Variants in TMEM132C observed in about 807,000 individuals in gnomAD.
TMEM132C encodes transmembrane protein 132C, also known as protein phosphatase 1, regulatory subunit 152.
A neutral mutation model predicts 61.4 loss-of-function variants in TMEM132C; 29 were observed. The ratio of observed to expected loss-of-function variants is 0.47; its 90% CI spans 0.35 to 0.64. The LOEUF (loss-of-function observed/expected upper bound fraction) is 0.64, where lower values mean the gene tolerates loss of function less well. Among genes scored for constraint, TMEM132C ranks in the 30% least tolerant of loss-of-function variants. The pLI is 0.00. For synonymous variants in TMEM132C, 656 were observed against 633.1 expected, an observed-to-expected ratio of 1.04 and a Z score of -0.54; for missense variants, 1,408 against 1,476.9, an observed-to-expected ratio of 0.95 and a Z score of 0.76.
chr12:128,505,373 T>C (rs1042941371), intron 2 of TMEM132C, among the ~76,000 whole-genome samples: 1 of 152,160 alleles, frequency 6.6e-6, no homozygotes, highest in Non-Finnish European at 1.5e-5. Context: ...GCATCTCTAG[T>C]GTCAGTGTGA....
rs60231244 is a variant in TMEM132C at position 128,490,429 on chromosome 12, C to T, written c.975-53528C>T. ...GAAGCAAATTCCCCCCTTCCACACCCTCATTGCCCCTGGCAGTGTATTTAG... is the reference window on the plus strand; with the variant it reads ...GAAGCAAATTCCCCCCTTCCACACCTTCATTGCCCCTGGCAGTGTATTTAG... On this transcript the variant is annotated intron_variant, in intron 2 of 8. Transcript: ENST00000435159. 4.7e-3 allele frequency among the ~76,000 whole-genome samples: 722 copies of T among 152,298 alleles called. 5 individuals carry two copies. Among genetic ancestry groups the T allele is most frequent in the African/African-American group, 0.017 (686 of 41,564 alleles).
At chr12:128,669,361 T>C in intron 4 of TMEM132C, 56 bp from the exon 5 acceptor site, 1 of 1,541,020 alleles carries the variant, frequency 6.5e-7, no homozygotes, top group Non-Finnish European at 8.8e-7. Flanking sequence ...AATTGTCCAG[T>C]TCCCAACAGA....
chr12:128,575,046 C>T (rs73161906), intron 3 of TMEM132C, among the ~76,000 whole-genome samples: 14,089 of 152,268 alleles, frequency 0.093, 732 homozygotes, highest in Middle Eastern at 0.14. Context: ...TACAATTCCT[C>T]GCTGTGTCTT....
intron 5 of TMEM132C, among the ~76,000 whole-genome samples, chr12:128,690,107 C>T (rs1209255589): frequency 1.3e-5 from 2 of 152,182 alleles, no homozygotes; most frequent in Admixed American, 6.5e-5. Context: ...TGTGGCTCCA[C>T]CAAGCCTCAC....
At chr12:128,271,989 G>A (rs965348011) in intron 1 of TMEM132C, among the ~76,000 whole-genome samples, 1 of 152,220 alleles carries the variant, frequency 6.6e-6, no homozygotes, top group African/African-American at 2.4e-5. Context: ...ACATCTGATC[G>A]ATAGAACATT....
intron 3 of TMEM132C, among the ~76,000 whole-genome samples, chr12:128,588,460 GT>G (rs1253082816): frequency 3.3e-5 from 5 of 152,114 alleles, no homozygotes; most frequent in African/African-American, 1.2e-4. Flanking sequence ...AAAAAAATCT[GT>G]TTCCAATATG....
chr12:128,349,329 C>G (rs1342877782), intron 1 of TMEM132C, among the ~76,000 whole-genome samples: 1 of 152,166 alleles, frequency 6.6e-6, no homozygotes, highest in Non-Finnish European at 1.5e-5. Flanking sequence ...AAGGCAGAGT[C>G]ACCACCATCA....
intron 4 of TMEM132C, among the ~76,000 whole-genome samples, chr12:128,668,751 T>G (rs1954502074): frequency 6.6e-6 from 1 of 152,106 alleles, no homozygotes; most frequent in Non-Finnish European, 1.5e-5. Flanking sequence ...GGAAAATCTG[T>G]TCCTTGCCTT....
chr12:128,307,825 C>A (rs1310203743), intron 1 of TMEM132C, among the ~76,000 whole-genome samples: 1 of 152,138 alleles, frequency 6.6e-6, no homozygotes, highest in Non-Finnish European at 1.5e-5. Context: ...GCAATGGGTC[C>A]CCCACTCCCA....
chr12:128,522,255 G>A (rs1046116470), intron 2 of TMEM132C, among the ~76,000 whole-genome samples: 3 of 152,200 alleles, frequency 2.0e-5, no homozygotes, highest in Non-Finnish European at 4.4e-5. Context: ...CTGCACTCAG[G>A]TGCTACCCTC....
At chr12:128,626,251 C>A (rs1954014690) in intron 4 of TMEM132C, among the ~76,000 whole-genome samples, 1 of 143,156 alleles carries the variant, frequency 7.0e-6, no homozygotes, top group Non-Finnish European at 1.5e-5. Flanking sequence ...CTCAGCCTCC[C>A]AAGTAGCTGG....
At position 128,522,986 on chromosome 12, in the gene TMEM132C, T is replaced by C. The variant is rs551933659; in HGVS notation, c.975-20971T>C. Among the ~76,000 whole-genome samples, 8 of 152,218 alleles carry C rather than the reference T, an allele frequency of 5.3e-5. No individual in the cohort carries two copies. In the South Asian group the frequency reaches 1.5e-3, roughly 28 times the overall value. On this transcript the variant is annotated intron_variant, in intron 2 of 8. Transcript: ENST00000435159. Reference sequence around the variant, plus strand: ...TTTATAGCAGCAGTGTTTACAACAGTCAGACGGTAAAAGCAAGCCAAGTGC... The same window carrying C: ...TTTATAGCAGCAGTGTTTACAACAGCCAGACGGTAAAAGCAAGCCAAGTGC...
chr12:128,678,618 T>C (rs1954611738), intron 5 of TMEM132C, among the ~76,000 whole-genome samples: 1 of 152,168 alleles, frequency 6.6e-6, no homozygotes, highest in Non-Finnish European at 1.5e-5. Context: ...CAGGCAGCCC[T>C]AGACCAGTGG....
chr12:128,351,956 C>T (rs1299856124), intron 1 of TMEM132C, among the ~76,000 whole-genome samples: 1 of 152,190 alleles, frequency 6.6e-6, no homozygotes, highest in Non-Finnish European at 1.5e-5. Context: ...GTCCCAAGAT[C>T]TGCAAGGTGA....
intron 2 of TMEM132C, among the ~76,000 whole-genome samples, chr12:128,431,549 A>ATTTTT (rs1448632449): frequency 2.1e-5 from 2 of 94,954 alleles, no homozygotes; most frequent in African/African-American, 9.0e-5. Flanking sequence ...CCCATCTAGG[A>ATTTTT]CTTTTTTTTT....
intron 5 of TMEM132C, among the ~76,000 whole-genome samples, chr12:128,688,409 A>G (rs1450107012): frequency 2.6e-5 from 4 of 152,332 alleles, no homozygotes; most frequent in African/African-American, 7.2e-5. Context: ...TAGCTCTAGA[A>G]AAACTGAGTA....
intron 1 of TMEM132C, among the ~76,000 whole-genome samples, chr12:128,334,646 A>C (rs1486545117): frequency 2.0e-5 from 3 of 147,860 alleles, no homozygotes; most frequent in Non-Finnish European, 3.0e-5. Flanking sequence ...CCCAGGCTGG[A>C]GTGCAGTAGC....
chr12:128,466,623 C>T (rs1441975347), intron 2 of TMEM132C, among the ~76,000 whole-genome samples: 2 of 152,162 alleles, frequency 1.3e-5, no homozygotes, highest in African/African-American at 4.8e-5. Context: ...CCTCAACCTT[C>T]AGGGCTTAAG....
rs1872511629 is a variant in TMEM132C, at chr12:128,326,232, T to C, written c.85+58745T>C. 6.6e-6 allele frequency among the ~76,000 whole-genome samples: 1 copy of C among 152,142 alleles called. No individual in the cohort carries two copies. The highest frequency in any genetic ancestry group is 6.5e-5 in the Admixed American group (1 of 15,280). On this transcript the variant is annotated intron_variant, in intron 1 of 8. Coordinates refer to ENST00000435159, the MANE Select transcript of TMEM132C (RefSeq NM_001136103.3). This position sits in a 1 kb window ranked among gnomAD's most constrained non-coding sequence, Gnocchi z 5.6. ...GAGGCAGTAAGACAAAAATCTGTCT[T>C]GGTTTGAGCACCTCCATTCCTCCCC...
Sources: gnomAD v4.1 joint callset for allele counts (sites outside exome capture counted in the v4.1 genomes callset) on GRCh38, gnomAD v4.1.1 for gene constraint, Gnocchi (gnomAD v3.1) non-coding constraint, MANE v1.5 for transcripts, NCBI Gene and HGNC (gene_info 2026-07-23, HGNC 2026-07-21) for gene names.